The following CTRC variants were observed in gnomAD, a reference collection of about 807,000 sequenced individuals.
CTRC encodes the protein chymotrypsin-C.
In CTRC, 32 loss-of-function variants were observed where a neutral mutation model predicts 35.7. That is an observed-to-expected ratio of 0.90 (90% confidence interval 0.68 to 1.20). The LOEUF is 1.20. Ranked by LOEUF, CTRC falls within the 50% of genes most tolerant of loss-of-function variation. CTRC has a pLI of 0.00. For synonymous variants in CTRC, 119 were observed against 149.5 expected (o/e 0.80, Z 1.49); for missense variants, 324 against 361.5 (o/e 0.90, Z 0.84).
At chr1:15,442,681 C>A (rs2103290933) in intron 4 of CTRC, 109 bp downstream of exon 4, 3 of 1,486,928 alleles carry the variant, frequency 2.0e-6, no homozygotes, top group Non-Finnish European at 2.8e-6. Context: ...ACCCCATCCT[C>A]ACCCTGGAAA....
intron 3 of CTRC, among the ~76,000 whole-genome samples, 171 bp from the exon 4 acceptor site, chr1:15,442,276 C>T (rs531228143): frequency 3.9e-5 from 6 of 152,250 alleles, no homozygotes; most frequent in Admixed American, 3.9e-4. Context: ...ACAACATGAA[C>T]CCAAGTCCCT....
intron 6 of CTRC, among the ~76,000 whole-genome samples, chr1:15,445,019 T>G (rs1708195767): frequency 6.6e-6 from 1 of 152,172 alleles, no homozygotes; most frequent in African/African-American, 2.4e-5. Context: ...CCTCAGTTTT[T>G]CCATCTGTAA....
chr1:15,440,241 C>G, intron 1 of CTRC, 59 bp from the exon 2 acceptor site: 1 of 890,854 alleles, frequency 1.1e-6, no homozygotes, highest in African/African-American at 1.7e-5. Context: ...CCCTCCCACC[C>G]CTTTCCCCGT....
rs1570786662 is a variant in CTRC at position 15,445,687 on chromosome 1, A to C, written c.730A>C (p.Asn244His). 1.9e-6 allele frequency: 3 copies of C among 1,614,154 alleles called. No homozygotes were observed. The highest frequency in any genetic ancestry group is 2.5e-6 in the Non-Finnish European group (3 of 1,180,032). Reference protein sequence around the residue: ...IVSFGSRRGCNTRKKPVVYTR... With the variant: ...IVSFGSRRGCHTRKKPVVYTR... Reference sequence around the variant, plus strand: ...CAGCTTTGGCTCCCGGCGGGGCTGCAACACCCGCAAGAAGCCGGTAGTCTA... The same window carrying C: ...CAGCTTTGGCTCCCGGCGGGGCTGCCACACCCGCAAGAAGCCGGTAGTCTA... The change falls in exon 7 of 8, where the codon AAC (asparagine) becomes CAC (histidine). Residue 244 changes from asparagine (N) to histidine (H), a missense_variant. By Grantham distance (68) the Asn-to-His change is moderately conservative (BLOSUM62 1). Coordinates refer to ENST00000375949, the MANE Select transcript of CTRC (RefSeq NM_007272.3).
intron 6 of CTRC, 149 bp from the exon 7 acceptor site, chr1:15,445,448 C>A: frequency 1.3e-6 from 1 of 741,924 alleles, no homozygotes; most frequent in Non-Finnish European, 2.2e-6. Context: ...TTTCCTCTGC[C>A]TCCCTCACCA....
Position 15,442,349 on chromosome 1 carries a change from C to A in CTRC, c.231-98C>A, listed in dbSNP as rs542319598. 3.3e-4 allele frequency: 485 copies of A among 1,464,372 alleles called. 6 individuals are homozygous for A. In the South Asian group the frequency reaches 5.4e-3, roughly 16 times the overall value. The allele number at this position is 1,464,372 out of a possible 1,614,324, so 90.7% of individuals were successfully genotyped here. ...AAGGACAATGGGAACACTCTCTTCCCCCAAAATGAGTCCCACTAAAGCCCC... is the reference window on the plus strand; with the variant it reads ...AAGGACAATGGGAACACTCTCTTCCACCAAAATGAGTCCCACTAAAGCCCC... On this transcript the variant is annotated intron_variant, in intron 3 of 7. Coordinates refer to ENST00000375949, the MANE Select transcript of CTRC (RefSeq NM_007272.3).
Position 15,443,481 on chromosome 1 carries a change from C to T in CTRC, c.419C>T (p.Ala140Val), listed in dbSNP as rs772342484. ...GAGCTGAGTGACACCATCCAGGTGG[C>T]CTGCCTGCCAGAGAAGGACTCCCTG... ...HVELSDTIQVACLPEKDSLLP... is the reference protein window; with the variant it reads ...HVELSDTIQVVCLPEKDSLLP... The change falls in exon 5 of 8, where the codon GCC becomes GTC. Residue 140 changes from alanine to valine, a missense_variant. By Grantham distance (64) the Ala-to-Val change is moderately conservative. Coordinates refer to ENST00000375949, the MANE Select transcript of CTRC (RefSeq NM_007272.3). 1.2e-6 allele frequency: 2 copies of T among 1,614,240 alleles called. No individual in the cohort carries two copies. Among genetic ancestry groups the T allele is most frequent in the South Asian group, 1.1e-5 (1 of 91,076 alleles).
chr1:15,442,621 G>A (rs1004013594), intron 4 of CTRC, 49 bp downstream of exon 4: 1 of 1,611,922 alleles, frequency 6.2e-7, no homozygotes, highest in African/African-American at 1.3e-5. Context: ...AGTGTGGAAG[G>A]AGGGGTCCCC....
chr1:15,446,671 G>C lies in CTRC; in HGVS notation c.*82G>C. 6.6e-7 allele frequency: 1 copy of C among 1,516,958 alleles called. No individual in the cohort carries two copies. Among genetic ancestry groups the C allele is most frequent in the Non-Finnish European group, 9.2e-7 (1 of 1,091,384 alleles). 94.0% of individuals were successfully genotyped at this position (1,516,958 alleles called of 1,614,324 possible). A position where few individuals can be genotyped will look rare whatever the true frequency, so the allele number is the denominator to read the frequency against. On this transcript the variant is annotated 3_prime_UTR_variant, in exon 8 of 8. Transcript: ENST00000375949. ...CTCGGGCCACCTGGATCCTTGATTT[G>C]TGCAGCTTCTGTTGCTTCCCTCCTC...
chr1:15,440,875 A>G (rs72865133), intron 3 of CTRC, among the ~76,000 whole-genome samples: 5,034 of 152,262 alleles, frequency 0.033, 192 homozygotes, highest in East Asian at 0.081. Context: ...GGTGATTTAA[A>G]ATAATACTAA....
At chr1:15,442,059 C>A (rs1384045571) in intron 3 of CTRC, among the ~76,000 whole-genome samples, 1 of 152,142 alleles carries the variant, frequency 6.6e-6, no homozygotes, top group African/African-American at 2.4e-5. Context: ...TTTTTAAACC[C>A]ACACTGCTGG....
chr1:15,440,416 T>C lies in CTRC; in HGVS notation c.132+25T>C, dbSNP rs993807060. ...GGTAAGCCTGTGTAGGGCTGGGAGG[T>C]ACAGATAGAGAGGGTGGCGGGGTGA... On this transcript the variant is annotated intron_variant, in intron 2 of 7. Transcript: ENST00000375949. The C allele has an allele frequency of 3.7e-6, 6 of 1,611,518 alleles. No individual in the cohort carries two copies. The African/African-American group carries it at 5.4e-5, about 14-fold the overall frequency.
rs1403487755 is a variant in CTRC, at chr1:15,440,496, T to G, written c.136T>G (p.Ser46Ala). 13 of 1,613,954 alleles carry G rather than the reference T, an allele frequency of 8.1e-6. No homozygotes were observed. The highest frequency in any genetic ancestry group is 1.1e-5 in the Non-Finnish European group (13 of 1,179,990). Residue 46 changes from serine (S) to alanine (A), a missense_variant, in exon 3 of 8, where the codon TCC becomes GCC. By Grantham distance (99) the Ser-to-Ala change is moderately conservative. Transcript: ENST00000375949. ...AGCCCTCCCCACCCTCCTGCAGATC[T>G]CCCTCCAGTACCTCAAGAACGACAC... ...ARPHSWPWQI[S>A]LQYLKNDTWR...
At chr1:15,445,782 T>A in intron 7 of CTRC, 33 bp downstream of exon 7, 1 of 1,613,086 alleles carries the variant, frequency 6.2e-7, no homozygotes, top group Non-Finnish European at 8.5e-7. Flanking sequence ...TCCCTGCACC[T>A]GTCAGCCCCT....
At chr1:15,440,174 T>C (rs940146542) in intron 1 of CTRC, 126 bp from the exon 2 acceptor site, 5 of 877,946 alleles carry the variant, frequency 5.7e-6, no homozygotes, top group African/African-American at 3.3e-5. Flanking sequence ...CGTGACACAG[T>C]AAAATATCAA....
At chr1:15,444,965 C>T (rs1471210238) in intron 6 of CTRC, among the ~76,000 whole-genome samples, 1 of 152,290 alleles carries the variant, frequency 6.6e-6, no homozygotes, top group Non-Finnish European at 1.5e-5. Flanking sequence ...CCAGTCCCAC[C>T]ATTTATGAGC....
chr1:15,442,317 C>T, intron 3 of CTRC, 130 bp from the exon 4 acceptor site: 1 of 1,238,438 alleles, frequency 8.1e-7, no homozygotes, highest in Non-Finnish European at 1.1e-6. Flanking sequence ...TTCCCCTCAC[C>T]CTGGGAAAGG....
In CTRC at chr1:15,443,537, G is replaced by A. The variant is rs1019047216; in HGVS notation, c.475G>A (p.Gly159Ser). ...LPKDYPCYVT[G>S]WGRLWTNGPI... ...CAAGGACTACCCCTGCTATGTCACC[G>A]GCTGGGGCCGCCTCTGGAGTGAGTA... is the stretch of plus-strand genomic sequence containing the variant. Residue 159 changes from glycine to serine, a missense_variant, in exon 5 of 8, where the codon GGC (glycine) becomes AGC (serine). By Grantham distance (56) the Gly-to-Ser change is moderately conservative. Coordinates refer to ENST00000375949, the MANE Select transcript of CTRC (RefSeq NM_007272.3). 5.6e-6 allele frequency: 9 copies of A among 1,614,100 alleles called. No individual in the cohort carries two copies. Among genetic ancestry groups the A allele is most frequent in the African/African-American group, 4.0e-5 (3 of 74,944 alleles).
chr1:15,440,673 G>T, intron 3 of CTRC, 83 bp downstream of exon 3: 1 of 1,159,620 alleles, frequency 8.6e-7, no homozygotes, highest in Non-Finnish European at 1.3e-6. Context: ...CAGCTTCTCC[G>T]CACTCCAGGC....
Sources: allele counts gnomAD v4.1 joint callset (sites outside exome capture counted in the v4.1 genomes callset), GRCh38; gene constraint gnomAD v4.1.1; transcripts MANE v1.5; gene names NCBI Gene and HGNC (gene_info 2026-07-23, HGNC 2026-07-21).